Variants in HDAC1 observed in about 807,000 individuals in gnomAD.
HDAC1 encodes the protein protein deacetylase HDAC1.
HDAC1 carries 18 observed loss-of-function variants against 65.5 expected under a neutral mutation model. That is an observed-to-expected ratio of 0.27 (90% CI 0.19 to 0.41). The LOEUF (loss-of-function observed/expected upper bound fraction) is 0.41, where lower values mean the gene tolerates loss of function less well. Among genes scored for constraint, HDAC1 ranks in the 10% least tolerant of loss-of-function variants. The probability of loss-of-function intolerance (pLI) is 1.00; values close to 1 mark genes in which losing one functional copy is unlikely to be tolerated. For synonymous variants in HDAC1, 211 were observed against 227.9 expected (o/e 0.93, Z 0.67); for missense variants, 373 against 625.2 (o/e 0.60, Z 4.30).
rs775264825 is a variant in HDAC1 at position 32,324,465 on chromosome 1, T to G, written c.281-14T>G. 23 of 1,594,106 alleles carry G rather than the reference T, an allele frequency of 1.4e-5. No homozygotes were observed. The highest frequency in any genetic ancestry group is 1.9e-5 in the Non-Finnish European group (22 of 1,162,294). ...GAAATTGTGGAAACTAACCTTTTGC[T>G]TATTTCTTTCAAGTCAACGTTGGTG... is the stretch of plus-strand genomic sequence containing the variant. On this transcript the variant is annotated splice_polypyrimidine_tract_variant and intron_variant, in intron 3 of 13. Coordinates refer to ENST00000373548, the MANE Select transcript of HDAC1 (RefSeq NM_004964.3).
chr1:32,332,943 G>T, intron 13 of HDAC1, 74 bp from the exon 14 acceptor site: 2 of 1,484,292 alleles, frequency 1.3e-6, no homozygotes, highest in Non-Finnish European at 1.9e-6. Flanking sequence ...GGATCCTGTG[G>T]AAGTCACTGT....
At chr1:32,297,680 G>C (rs186444307) in intron 1 of HDAC1, among the ~76,000 whole-genome samples, 1 of 151,502 alleles carries the variant, frequency 6.6e-6, no homozygotes, top group Non-Finnish European at 1.5e-5. Flanking sequence ...GCGCCATCTC[G>C]GCTCACTGCA....
Position 32,328,961 on chromosome 1 carries a change from G to C in HDAC1, c.637-107G>C, listed in dbSNP as rs1641255493. The C allele has an allele frequency of 3.9e-6, 3 of 769,860 alleles. No homozygotes were observed. In the South Asian group the frequency reaches 4.2e-5, roughly 11 times the overall value. The allele number at this position is 769,860 out of a possible 1,614,324, so 47.7% of individuals were successfully genotyped here. A position where few individuals can be genotyped will look rare whatever the true frequency, so the allele number is the denominator to read the frequency against. ...TGTTCTGTCCTGGCCCACATCATGG[G>C]CCTAGCTTGTCTCTCTTGAACCTCT... is the stretch of plus-strand genomic sequence containing the variant. On this transcript the variant is annotated intron_variant, in intron 6 of 13. Transcript: ENST00000373548.
At chr1:32,292,279 C>T in intron 1 of HDAC1, 61 bp downstream of exon 1, 1 of 1,543,936 alleles carries the variant, frequency 6.5e-7, no homozygotes, top group Non-Finnish European at 8.7e-7. Context: ...AACCTGGAGG[C>T]TGAGGCTGGA....
Position 32,331,677 on chromosome 1 carries a change from C to G in HDAC1, c.1090C>G (p.Gln364Glu). Reference sequence around the variant, plus strand: ...GCTACTCTCTCCCATTGGCCACAGACAGCGACTGTTTGAGAACCTTAGAAT... The same window carrying G: ...GCTACTCTCTCCCATTGGCCACAGAGAGCGACTGTTTGAGAACCTTAGAAT... ...NTNEYLEKIKQRLFENLRMLP... is the reference protein window; with the variant it reads ...NTNEYLEKIKERLFENLRMLP... The change falls in exon 11 of 14, where the codon CAG (glutamine) becomes GAG (glutamate). Residue 364 changes from glutamine (Q) to glutamate (E), a missense_variant and splice_region_variant. Transcript: ENST00000373548. This position sits in a 1 kb window ranked among gnomAD's most constrained non-coding sequence, Gnocchi z 4.2. The G allele has an allele frequency of 6.2e-7, 1 of 1,613,526 alleles. No individual in the cohort carries two copies. The highest frequency in any genetic ancestry group is 8.5e-7 in the Non-Finnish European group (1 of 1,179,608).
intron 3 of HDAC1, among the ~76,000 whole-genome samples, chr1:32,321,281 A>G (rs1004511090): frequency 2.0e-5 from 3 of 152,044 alleles, no homozygotes; most frequent in Non-Finnish European, 4.4e-5. Context: ...TGTGTGCCCA[A>G]TACCCAGCCT....
In HDAC1 at chr1:32,316,641, C is replaced by T. The variant is rs765694144; in HGVS notation, c.163-24C>T. ...ACTGGCCGTGGTCAAAAATAACTTG[C>T]CCTTTCTCCCTTCTGCCCTCTAGCG... is the stretch of plus-strand genomic sequence containing the variant. On this transcript the variant is annotated intron_variant, in intron 2 of 13. Coordinates refer to ENST00000373548, the MANE Select transcript of HDAC1 (RefSeq NM_004964.3). 4.3e-6 allele frequency: 6 copies of T among 1,400,614 alleles called. No individual in the cohort carries two copies. In the South Asian group the frequency reaches 6.9e-5, roughly 16 times the overall value. 86.8% of individuals were successfully genotyped at this position (1,400,614 alleles called of 1,614,324 possible).
chr1:32,300,081 C>T (rs903061705), intron 1 of HDAC1, among the ~76,000 whole-genome samples: 15 of 151,742 alleles, frequency 9.9e-5, no homozygotes, highest in Admixed American at 6.6e-5. Flanking sequence ...AAAGGAAAAT[C>T]CAATGTAGCT....
chr1:32,313,157 A>G (rs1429852169), intron 2 of HDAC1, among the ~76,000 whole-genome samples: 1 of 151,864 alleles, frequency 6.6e-6, no homozygotes, highest in African/African-American at 2.4e-5. Flanking sequence ...ACGCAGTGGC[A>G]TGATCTCAGC....
chr1:32,311,205 T>C (rs1466228249), intron 2 of HDAC1, among the ~76,000 whole-genome samples: 1 of 152,092 alleles, frequency 6.6e-6, no homozygotes, highest in African/African-American at 2.4e-5. Flanking sequence ...TGGTGGCTCA[T>C]GCCTGTAACC....
chr1:32,324,397 T>A (rs112870788), intron 3 of HDAC1, 82 bp from the exon 4 acceptor site: 31 of 931,986 alleles, frequency 3.3e-5, no homozygotes, highest in Non-Finnish European at 1.4e-5. Context: ...TGAATTTAAA[T>A]TCTGTGTTTT....
chr1:32,293,505 C>T (rs1011045369), intron 1 of HDAC1, among the ~76,000 whole-genome samples: 3 of 151,934 alleles, frequency 2.0e-5, no homozygotes, highest in African/African-American at 7.3e-5. Context: ...GTGGCTCACA[C>T]CTCTCTAATC....
chr1:32,332,114 C>T lies in HDAC1; in HGVS notation c.1244C>T (p.Ala415Val). Residue 415 changes from alanine to valine, a missense_variant, in exon 12 of 14, where the codon GCC (alanine) becomes GTC (valine). Physicochemically the swap from Ala to Val is moderately conservative, Grantham distance 64 (BLOSUM62 0). Around this residue, in one of 4 missense-constraint regions of HDAC1, gnomAD observed 126 missense variants for 126.2 expected, o/e 1.00. Coordinates refer to ENST00000373548, the MANE Select transcript of HDAC1 (RefSeq NM_004964.3). ...GTCTGCTCCTCTGACAAACGAATTGCCTGTGAGGAAGAGTTCTCCGATTCT... is the reference window on the plus strand; with the variant it reads ...GTCTGCTCCTCTGACAAACGAATTGTCTGTGAGGAAGAGTTCTCCGATTCT... ...ISICSSDKRI[A>V]CEEEFSDSEE... The T allele has an allele frequency of 1.2e-6, 2 of 1,607,176 alleles. No homozygotes were observed. Among genetic ancestry groups the T allele is most frequent in the Non-Finnish European group, 1.7e-6 (2 of 1,176,960 alleles).
At position 32,311,905 on chromosome 1, in the gene HDAC1, A is replaced by G. The variant is rs369038987; in HGVS notation, c.163-4760A>G. 9.2e-5 allele frequency among the ~76,000 whole-genome samples: 14 copies of G among 152,324 alleles called. No individual in the cohort carries two copies. The East Asian group carries it at 2.3e-3, about 25-fold the overall frequency. Reference sequence around the variant, plus strand: ...GTGCAGTCATCTGTGTAGAAGGGATAGCCAGACCAAAGTTTTGATGACATT... The same window carrying G: ...GTGCAGTCATCTGTGTAGAAGGGATGGCCAGACCAAAGTTTTGATGACATT... On this transcript the variant is annotated intron_variant, in intron 2 of 13. Transcript: ENST00000373548.
In HDAC1 at chr1:32,333,132, A is replaced by G; in HGVS notation, c.*88A>G. On this transcript the variant is annotated 3_prime_UTR_variant, in exon 14 of 14. Transcript: ENST00000373548. ...TTTTATATTTTCTATTTCTCTGTGT[A>G]TTTATATAAAAATTTATTAAATATA... The G allele has an allele frequency of 9.5e-7, 1 of 1,050,224 alleles. No homozygotes were observed. Among genetic ancestry groups the G allele is most frequent in the South Asian group, 1.6e-5 (1 of 61,990 alleles). The allele number at this position is 1,050,224 out of a possible 1,614,324, so 65.1% of individuals were successfully genotyped here.
chr1:32,307,883 G>A (rs1248248723), intron 2 of HDAC1, among the ~76,000 whole-genome samples: 1 of 152,186 alleles, frequency 6.6e-6, no homozygotes, highest in African/African-American at 2.4e-5. Flanking sequence ...ACATGAGCAC[G>A]GACACTGTTG....
chr1:32,322,850 T>C (rs913131221), intron 3 of HDAC1, among the ~76,000 whole-genome samples: 1 of 152,150 alleles, frequency 6.6e-6, no homozygotes, highest in African/African-American at 2.4e-5. Flanking sequence ...TTTATAACCT[T>C]GGGCAAATCA....
In HDAC1 at chr1:32,332,688, T is replaced by C. The variant is rs1641311590; in HGVS notation, c.1373-13T>C. The C allele has an allele frequency of 1.3e-6, 2 of 1,552,674 alleles. No homozygotes were observed. The highest frequency in any genetic ancestry group is 1.7e-6 in the Non-Finnish European group (2 of 1,147,164). ...GTGCTGCCCTTGGCCATCCCTGTAC[T>C]CTTGTGTTCTAGAAGTCACCGAAGA... On this transcript the variant is annotated splice_polypyrimidine_tract_variant and intron_variant, in intron 12 of 13. Transcript: ENST00000373548.
At chr1:32,316,388 G>T (rs1641064825) in intron 2 of HDAC1, among the ~76,000 whole-genome samples, 1 of 152,186 alleles carries the variant, frequency 6.6e-6, no homozygotes, top group Non-Finnish European at 1.5e-5. Flanking sequence ...TGTTGTCCCT[G>T]TTTAGTAAAT....
Sources: gnomAD v4.1 joint callset for allele counts (sites outside exome capture counted in the v4.1 genomes callset) on GRCh38, gnomAD v4.1.1 for gene constraint, gnomAD v4.1.1 regional missense constraint, Gnocchi (gnomAD v3.1) non-coding constraint, MANE v1.5 for transcripts, NCBI Gene and HGNC (gene_info 2026-07-23, HGNC 2026-07-21) for gene names.